Variants in GRB7 observed in about 807,000 individuals in gnomAD.
GRB7 encodes growth factor receptor-bound protein 7.
A neutral mutation model predicts 64.1 loss-of-function variants in GRB7; 47 were observed. The ratio of observed to expected loss-of-function variants is 0.73; its 90% CI spans 0.58 to 0.94. The LOEUF (loss-of-function observed/expected upper bound fraction) is 0.94. Ranked by LOEUF, GRB7 falls within the 40% of genes least tolerant of loss-of-function variation. The pLI is 0.00. For missense variants in GRB7, 634 were observed against 718.4 expected (o/e 0.88, Z 1.34); for synonymous variants, 277 against 279.9 (o/e 0.99, Z 0.10).
intron 1 of GRB7, chr17:39,739,955 G>C (rs1392126610): frequency 1.0e-6 from 1 of 981,744 alleles, no homozygotes; most frequent in African/African-American, 1.7e-5. Context: ...GGGCACGGCT[G>C]GGGGGCTCTG....
At position 39,742,704 on chromosome 17, in the gene GRB7, C is replaced by T; in HGVS notation, c.294C>T (p.Ala98=). The change falls in exon 3 of 15, where the codon GCC becomes GCT. Residue 98 remains alanine (A), a synonymous_variant. Coordinates refer to ENST00000309156, the MANE Select transcript of GRB7 (RefSeq NM_005310.5). The stretch of plus-strand genomic sequence containing the variant: ...CAAGGGGGCTGCTCCCCCGCGATGC[C>T]AGCCGCCCCCATGTGAGTTGTCCCT... ...SSARGLLPRD[A]SRPHVVKVYS... 1 of 1,561,588 alleles carries T rather than the reference C, an allele frequency of 6.4e-7. No homozygotes were observed. The highest frequency in any genetic ancestry group is 2.2e-5 in the East Asian group (1 of 44,448).
rs746958126 is a variant in GRB7 at position 39,744,601 on chromosome 17, TACGTGGTG to T, written c.854_861del (p.Val285AlafsTer11). 4 of 1,612,328 alleles carry T rather than the reference TACGTGGTG, an allele frequency of 2.5e-6. No individual in the cohort carries two copies. The Admixed American group carries it at 6.7e-5, about 27-fold the overall frequency. On this transcript the variant is annotated frameshift_variant, in exon 8 of 15. Transcript: ENST00000309156. LOFTEE classifies it high-confidence loss of function. ...GGCAGATGTGAACGAGTCCAACGTG[TACGTGGTG>T]ACGCAGGGCCGCAAGCTCTACGGGA...
chr17:39,740,455 C>T lies in GRB7; in HGVS notation c.-50-1797C>T, dbSNP rs944281119. On this transcript the variant is annotated intron_variant, in intron 1 of 14. Transcript: ENST00000309156. Reference sequence around the variant, plus strand: ...TGCTTTGGGTGGGGAGGGGCACCGCCGGGATGCTGGCTTCTCTCCAAATGG... The same window carrying T: ...TGCTTTGGGTGGGGAGGGGCACCGCTGGGATGCTGGCTTCTCTCCAAATGG... Among the ~76,000 whole-genome samples, 3 of 152,144 alleles carry T rather than the reference C, an allele frequency of 2.0e-5. No homozygotes were observed. The South Asian group carries it at 6.2e-4, about 32-fold the overall frequency.
At chr17:39,745,570 C>A in intron 11 of GRB7, 32 bp downstream of exon 11, 1 of 1,586,196 alleles carries the variant, frequency 6.3e-7, no homozygotes, top group Non-Finnish European at 8.6e-7. Flanking sequence ...TGTGTTTGTG[C>A]TGGGGACCCA....
At chr17:39,744,410 C>G (rs926580556) in intron 7 of GRB7, 143 bp from the exon 8 acceptor site, 5 of 840,362 alleles carry the variant, frequency 5.9e-6, no homozygotes, top group Non-Finnish European at 9.5e-6. Flanking sequence ...AGTTTAAGTC[C>G]TGGCTCTACT....
intron 1 of GRB7, among the ~76,000 whole-genome samples, chr17:39,740,559 G>C (rs2059986257): frequency 6.6e-6 from 1 of 152,136 alleles, no homozygotes; most frequent in Non-Finnish European, 1.5e-5. Context: ...TTTGGGACTG[G>C]GGGTGAGAGC....
intron 1 of GRB7, among the ~76,000 whole-genome samples, chr17:39,741,003 G>T (rs1030374054): frequency 6.6e-6 from 1 of 152,108 alleles, no homozygotes; most frequent in Non-Finnish European, 1.5e-5. Flanking sequence ...CGGCCAAAGG[G>T]GTCTGCTGGG....
chr17:39,746,970 T>A lies in GRB7; in HGVS notation c.*73T>A, dbSNP rs1283974049. On this transcript the variant is annotated 3_prime_UTR_variant, in exon 15 of 15. Transcript: ENST00000309156. ...CCGCCCCTCCACCCATCCAGTGGAC[T>A]CTGGGGCGCGGCCACAGGGGACGGG... is the stretch of plus-strand genomic sequence containing the variant. 18 of 1,504,424 alleles carry A rather than the reference T, an allele frequency of 1.2e-5. No individual in the cohort carries two copies. The East Asian group carries it at 3.5e-4, about 29-fold the overall frequency. 93.2% of individuals were successfully genotyped at this position (1,504,424 alleles called of 1,614,324 possible). A position where few individuals can be genotyped will look rare whatever the true frequency, so the allele number is the denominator to read the frequency against.
Position 39,746,890 on chromosome 17 carries a change from C to T in GRB7, c.1592C>T (p.Ala531Val), listed in dbSNP as rs1360644246. Residue 531 changes from alanine to valine, a missense_variant, in exon 15 of 15, where the codon GCC (alanine) becomes GTC (valine). Physicochemically the swap from Ala to Val is moderately conservative, Grantham distance 64. Coordinates refer to ENST00000309156, the MANE Select transcript of GRB7 (RefSeq NM_005310.5). The part of the protein sequence containing the change: ...CLLRHCCTRV[A>V]L ...CTGCGCCATTGCTGCACGCGGGTGG[C>T]CCTCTGACCAGGCCGTGGACTGGCT... 1 of 1,607,710 alleles carries T rather than the reference C, an allele frequency of 6.2e-7. No individual in the cohort carries two copies.
rs61745960 is a variant in GRB7, at chr17:39,742,331, T to G, written c.30T>G (p.Leu10=). The part of the protein sequence containing the change: MELDLSPPH[L]SSSPEDLCPA... ...AGCTGGATCTGTCTCCACCTCATCT[T>G]AGCAGCTCTCCGGAAGACCTTTGCC... Residue 10 remains leucine (L), a synonymous_variant, in exon 2 of 15, where the codon CTT becomes CTG. Coordinates refer to ENST00000309156, the MANE Select transcript of GRB7 (RefSeq NM_005310.5). 4 of 1,614,008 alleles carry G rather than the reference T, an allele frequency of 2.5e-6. No individual in the cohort carries two copies. In the African/African-American group the frequency reaches 4.0e-5, roughly 16 times the overall value.
In GRB7 at chr17:39,747,020, C is replaced by G; in HGVS notation, c.*123C>G. Reference sequence around the variant, plus strand: ...GATGAGGAGCGGGAGGGTTCCGCCACTCCAGTTTTCTCCTCTGCTTCTTTG... The same window carrying G: ...GATGAGGAGCGGGAGGGTTCCGCCAGTCCAGTTTTCTCCTCTGCTTCTTTG... On this transcript the variant is annotated 3_prime_UTR_variant, in exon 15 of 15. Coordinates refer to ENST00000309156, the MANE Select transcript of GRB7 (RefSeq NM_005310.5). The G allele has an allele frequency of 1.0e-6, 1 of 994,192 alleles. No homozygotes were observed. Among genetic ancestry groups the G allele is most frequent in the Non-Finnish European group, 1.5e-6 (1 of 688,342 alleles). 61.6% of individuals were successfully genotyped at this position (994,192 alleles called of 1,614,324 possible). A position where few individuals can be genotyped will look rare whatever the true frequency, so the allele number is the denominator to read the frequency against.
chr17:39,738,441 C>A, intron 1 of GRB7: 1 of 153,972 alleles, frequency 6.5e-6, no homozygotes. Context: ...CACGGCCGGT[C>A]TGGAGGCCGG....
rs1460601079 is a variant in GRB7 at position 39,746,831 on chromosome 17, C to A, written c.1533C>A (p.Phe511Leu). ...CTGACCTGCTGCAGCTCGTGGAGTTCCACCAGCTGAACCGCGGCATCCTGC... is the reference window on the plus strand; with the variant it reads ...CTGACCTGCTGCAGCTCGTGGAGTTACACCAGCTGAACCGCGGCATCCTGC... ...RFTDLLQLVE[F>L]HQLNRGILPC... The change falls in exon 15 of 15, where the codon TTC becomes TTA. Residue 511 changes from phenylalanine (F) to leucine (L), a missense_variant. Around this residue, in one of 2 missense-constraint regions of GRB7, gnomAD observed 467 missense variants for 576.6 expected, o/e 0.81. Coordinates refer to ENST00000309156, the MANE Select transcript of GRB7 (RefSeq NM_005310.5). 1 of 1,613,714 alleles carries A rather than the reference C, an allele frequency of 6.2e-7. No individual in the cohort carries two copies. The highest frequency in any genetic ancestry group is 8.5e-7 in the Non-Finnish European group (1 of 1,180,044).
Position 39,741,195 on chromosome 17 carries a change from G to A in GRB7, c.-50-1057G>A, listed in dbSNP as rs563651108. Among the ~76,000 whole-genome samples, 22 of 152,328 alleles carry A rather than the reference G, an allele frequency of 1.4e-4. 1 individual carries two copies. Among genetic ancestry groups the A allele is most frequent in the Admixed American group, 1.4e-3 (21 of 15,302 alleles). On this transcript the variant is annotated intron_variant, in intron 1 of 14. Transcript: ENST00000309156. ...AATGGGTGGATAGGACAGGTGCACAGTAATGGATGATGCGGCCCCCGCACA... is the reference window on the plus strand; with the variant it reads ...AATGGGTGGATAGGACAGGTGCACAATAATGGATGATGCGGCCCCCGCACA...
intron 6 of GRB7, 43 bp from the exon 7 acceptor site, chr17:39,744,027 G>A (rs2143415298): frequency 6.2e-7 from 1 of 1,604,524 alleles, no homozygotes; most frequent in Non-Finnish European, 8.5e-7. Flanking sequence ...GGGGAAGGGA[G>A]GAGGTCAGAC....
At position 39,742,378 on chromosome 17, in the gene GRB7, G is replaced by GGACT. The variant is rs1198793962; in HGVS notation, c.78_81dup (p.Pro28AspfsTer6). On this transcript the variant is annotated frameshift_variant, in exon 2 of 15. Coordinates refer to ENST00000309156, the MANE Select transcript of GRB7 (RefSeq NM_005310.5). LOFTEE classifies it high-confidence loss of function. ...TGCCCAGCCCCTGGGACCCCTCCTG[G>GGACT]GACTCCCCGGCCCCCTGATACCCCT... 16 of 1,613,826 alleles carry GGACT rather than the reference G, an allele frequency of 9.9e-6. No homozygotes were observed. In the Admixed American group the frequency reaches 2.7e-4, roughly 27 times the overall value.
At chr17:39,741,034 G>A (rs2059990330) in intron 1 of GRB7, among the ~76,000 whole-genome samples, 1 of 152,170 alleles carries the variant, frequency 6.6e-6, no homozygotes, top group Non-Finnish European at 1.5e-5. Context: ...GAAGGTGCCA[G>A]CCCCACCTCC....
chr17:39,743,224 G>C lies in GRB7; in HGVS notation c.508G>C (p.Ala170Pro), dbSNP rs1464401943. ...CGAGTCCGTGGTGGAAGTGCAGGCTGCCTGGCCCGTGGGCGGAGATAGCCG... is the reference window on the plus strand; with the variant it reads ...CGAGTCCGTGGTGGAAGTGCAGGCTCCCTGGCCCGTGGGCGGAGATAGCCG... ...DHESVVEVQA[A>P]WPVGGDSRFV... Residue 170 changes from alanine to proline, a missense_variant, in exon 5 of 15, where the codon GCC becomes CCC. Physicochemically the swap from Ala to Pro is conservative, Grantham distance 27 (BLOSUM62 -1). This residue lies in a region of GRB7 where 467 missense variants were observed against 576.6 expected (regional missense o/e 0.81). Coordinates refer to ENST00000309156, the MANE Select transcript of GRB7 (RefSeq NM_005310.5). The C allele has an allele frequency of 3.1e-6, 5 of 1,614,090 alleles. No homozygotes were observed. In the Admixed American group the frequency reaches 6.7e-5, roughly 22 times the overall value.
intron 14 of GRB7, among the ~76,000 whole-genome samples, 163 bp from the exon 15 acceptor site, chr17:39,746,588 C>T (rs1463774597): frequency 6.6e-6 from 1 of 151,368 alleles, no homozygotes; most frequent in African/African-American, 2.4e-5. Flanking sequence ...CACACTCCAG[C>T]CTGGATGACA....
Sources: gnomAD v4.1 joint callset for allele counts (sites outside exome capture counted in the v4.1 genomes callset) on GRCh38, gnomAD v4.1.1 for gene constraint, gnomAD v4.1.1 regional missense constraint, MANE v1.5 for transcripts, NCBI Gene and HGNC (gene_info 2026-07-23, HGNC 2026-07-21) for gene names.